NRXN1: variants seen among roughly 807,000 people sequenced by gnomAD.
The protein encoded by NRXN1 is neurexin 1.
NRXN1 carries 39 observed loss-of-function variants against 150.9 expected under a neutral mutation model. That is an observed-to-expected ratio of 0.26 (90% CI 0.20 to 0.34). NRXN1 has a LOEUF of 0.34. Among genes scored for constraint, NRXN1 ranks in the 10% least tolerant of loss-of-function variants. NRXN1 has a pLI of 1.00. For synonymous variants in NRXN1, 924 were observed against 757.0 expected, an observed-to-expected ratio of 1.22 and a Z score of -3.62; for missense variants, 1,815 against 1,949.9, an observed-to-expected ratio of 0.93 and a Z score of 1.30.
At chr2:50,909,693 A>G (rs1308042055) in intron 5 of NRXN1, among the ~76,000 whole-genome samples, 1 of 151,866 alleles carries the variant, frequency 6.6e-6, no homozygotes, top group African/African-American at 2.4e-5. Context: ...ATAATTTCAA[A>G]CTCTCCAAAA....
chr2:50,240,115 A>G (rs1280645128), intron 17 of NRXN1, among the ~76,000 whole-genome samples: 2 of 151,600 alleles, frequency 1.3e-5, no homozygotes, highest in Non-Finnish European at 3.0e-5. Context: ...ACCTTTTTCA[A>G]TGAATCTAAA....
intron 5 of NRXN1, among the ~76,000 whole-genome samples, chr2:50,898,760 T>C (rs1319988921): frequency 2.0e-5 from 3 of 152,080 alleles, no homozygotes; most frequent in Non-Finnish European, 4.4e-5. Flanking sequence ...TTTAAATAAG[T>C]GTTGATGGAC....
chr2:50,778,778 G>A (rs1703982898), intron 5 of NRXN1, among the ~76,000 whole-genome samples: 1 of 152,136 alleles, frequency 6.6e-6, no homozygotes, highest in Admixed American at 6.6e-5. Context: ...AGCTGCTGAT[G>A]TTCGTTTGTT....
intron 5 of NRXN1, among the ~76,000 whole-genome samples, chr2:50,859,690 A>C (rs1034342328): frequency 1.3e-5 from 2 of 152,068 alleles, no homozygotes; most frequent in South Asian, 2.1e-4. Flanking sequence ...AATGACTGCA[A>C]GGTGCAACTA....
chr2:50,080,145 G>A (rs1241035240), intron 19 of NRXN1, among the ~76,000 whole-genome samples: 1 of 151,942 alleles, frequency 6.6e-6, no homozygotes, highest in Admixed American at 6.6e-5. Context: ...TAGCCACCTG[G>A]GTTATCAAAT....
chr2:50,438,054 A>T (rs561215298), intron 17 of NRXN1, among the ~76,000 whole-genome samples: 1 of 152,288 alleles, frequency 6.6e-6, no homozygotes, highest in South Asian at 2.1e-4. Flanking sequence ...CACCAAAAAT[A>T]AATTTCCTGT....
intron 17 of NRXN1, among the ~76,000 whole-genome samples, chr2:50,422,131 T>C (rs1216137753): frequency 6.6e-6 from 1 of 152,164 alleles, no homozygotes; most frequent in Admixed American, 6.5e-5. Context: ...TTGTCAGCTA[T>C]AAAATAAAAA....
intron 8 of NRXN1, among the ~76,000 whole-genome samples, chr2:50,580,075 A>C (rs886111722): frequency 5.9e-5 from 9 of 152,196 alleles, no homozygotes; most frequent in African/African-American, 2.2e-4. Flanking sequence ...CTCAGATTTT[A>C]GACTGGCTAG....
At chr2:50,776,747 C>A (rs1168267347) in intron 5 of NRXN1, among the ~76,000 whole-genome samples, 1 of 151,790 alleles carries the variant, frequency 6.6e-6, no homozygotes, top group Non-Finnish European at 1.5e-5. Context: ...AGTTAAGTCT[C>A]ATTTTTATGG....
intron 17 of NRXN1, among the ~76,000 whole-genome samples, chr2:50,301,358 T>C (rs2074132735): frequency 6.6e-6 from 1 of 152,230 alleles, no homozygotes. Flanking sequence ...ACTGAGAGGT[T>C]ATATGGTTGA....
intron 18 of NRXN1, among the ~76,000 whole-genome samples, chr2:50,177,464 G>T (rs112857458): frequency 0.014 from 2,134 of 151,686 alleles, 48 homozygotes; most frequent in African/African-American, 0.05. Context: ...TATATTATTT[G>T]AATAGCTAAA....
intron 5 of NRXN1, among the ~76,000 whole-genome samples, chr2:50,634,420 T>C (rs972326910): frequency 2.0e-5 from 3 of 152,188 alleles, no homozygotes; most frequent in East Asian, 1.9e-4. Flanking sequence ...AAGACAATAA[T>C]ACTAGGATCT....
intron 8 of NRXN1, among the ~76,000 whole-genome samples, chr2:50,584,981 C>T (rs1359028392): frequency 1.3e-5 from 2 of 152,108 alleles, no homozygotes; most frequent in Admixed American, 1.3e-4. Context: ...GATGCTGTTT[C>T]TCAAACTTGA....
intron 5 of NRXN1, among the ~76,000 whole-genome samples, chr2:50,892,571 C>A (rs1372544284): frequency 6.6e-6 from 1 of 152,142 alleles, no homozygotes; most frequent in Admixed American, 6.6e-5. Flanking sequence ...TCACATACAG[C>A]TCTAGCTTGA....
intron 5 of NRXN1, among the ~76,000 whole-genome samples, chr2:50,682,501 G>A (rs1360322389): frequency 6.6e-6 from 1 of 152,098 alleles, no homozygotes; most frequent in Non-Finnish European, 1.5e-5. Context: ...AATCTACTAG[G>A]AGCATCGTGA....
At chr2:49,976,368 G>A (rs187212483) in intron 21 of NRXN1, among the ~76,000 whole-genome samples, 1 of 152,074 alleles carries the variant, frequency 6.6e-6, no homozygotes, top group African/African-American at 2.4e-5. Context: ...TAAACTATCA[G>A]TTAATAGTGG....
chr2:50,369,888 G>A (rs922324093), intron 17 of NRXN1, among the ~76,000 whole-genome samples: 1 of 151,986 alleles, frequency 6.6e-6, no homozygotes, highest in Non-Finnish European at 1.5e-5. Context: ...TCACCATTGG[G>A]AGGAGACTGT....
At chr2:50,713,161 A>C (rs1695404758) in intron 5 of NRXN1, among the ~76,000 whole-genome samples, 1 of 151,988 alleles carries the variant, frequency 6.6e-6, no homozygotes, top group South Asian at 2.1e-4. Context: ...AAAAATACAA[A>C]AAATTATTCA....
At chr2:50,727,943 T>TA (rs1411380563) in intron 5 of NRXN1, among the ~76,000 whole-genome samples, 4 of 152,158 alleles carry the variant, frequency 2.6e-5, no homozygotes, top group Non-Finnish European at 5.9e-5. Flanking sequence ...CTTTACAAAT[T>TA]AGAGAAAGGT....
Sources: gnomAD v4.1 joint callset for allele counts (sites outside exome capture counted in the v4.1 genomes callset) on GRCh38, gnomAD v4.1.1 for gene constraint, MANE v1.5 for transcripts, NCBI Gene and HGNC (gene_info 2026-07-23, HGNC 2026-07-21) for gene names.